The following MYH11 variants were observed in gnomAD, a reference collection of about 807,000 sequenced individuals.
MYH11 encodes the protein myosin heavy chain 11, also known as myosin-11.
A neutral mutation model predicts 246.6 loss-of-function variants in MYH11; 80 were observed. The ratio of observed to expected loss-of-function variants is 0.32; its 90% confidence interval spans 0.27 to 0.39. MYH11 has a LOEUF of 0.39. MYH11 is among the 10% of genes least tolerant of loss of function. The pLI, the probability that MYH11 is intolerant of heterozygous loss-of-function variation, is 1.00. For synonymous variants in MYH11, 1,071 were observed against 1,015.5 expected (o/e 1.05, Z -1.04); for missense variants, 2,158 against 2,546.8 (o/e 0.85, Z 3.29).
chr16:15,753,311 G>C, intron 15 of MYH11, 83 bp downstream of exon 15: 3 of 1,235,924 alleles, frequency 2.4e-6, no homozygotes, highest in East Asian at 2.3e-5. Context: ...TCCCCTCCTG[G>C]GGCAGGTGTG....
chr16:15,840,985 G>T (rs2044036288), intron 1 of MYH11, among the ~76,000 whole-genome samples: 1 of 152,036 alleles, frequency 6.6e-6, no homozygotes, highest in Admixed American at 6.6e-5. Flanking sequence ...TAAAAGTCTA[G>T]AAAACTGCAT....
At position 15,856,219 on chromosome 16, in the gene MYH11, G is replaced by GTT. The variant is rs34789214; in HGVS notation, c.-18+720_-18+721dup. ...CCTTTGGGGTCAACCTGGGTGAGTT[G>GTT]TTTTTTTTTTTTTTAATTTGGAGAA... is the stretch of plus-strand genomic sequence containing the variant. On this transcript the variant is annotated intron_variant, in intron 1 of 40. Coordinates refer to ENST00000300036, the MANE Select transcript of MYH11 (RefSeq NM_002474.3). Among the ~76,000 whole-genome samples, 684 of 97,036 alleles carry GTT rather than the reference G, an allele frequency of 7.0e-3. 7 individuals are homozygous for GTT. The highest frequency in any genetic ancestry group is 0.018 in the African/African-American group (612 of 33,782). 63.7% of individuals were successfully genotyped at this position (97,036 alleles called of 152,430 possible).
chr16:15,739,610 A>G (rs2041214421), intron 23 of MYH11, among the ~76,000 whole-genome samples: 1 of 152,206 alleles, frequency 6.6e-6, no homozygotes, highest in Admixed American at 6.5e-5. Context: ...GGGGCTGGTT[A>G]GTGACTACTG....
chr16:15,704,153 G>A, intron 40 of MYH11, 30 bp from the exon 41 acceptor site: 1 of 1,612,886 alleles, frequency 6.2e-7, no homozygotes, highest in Non-Finnish European at 8.5e-7. Flanking sequence ...ACATTATTTA[G>A]CAAAGAAATC....
intron 2 of MYH11, among the ~76,000 whole-genome samples, chr16:15,830,035 T>C (rs903621073): frequency 6.6e-6 from 1 of 151,962 alleles, no homozygotes; most frequent in Admixed American, 6.6e-5. Flanking sequence ...CTCGGGAAGC[T>C]GAGGCAGGAG....
At chr16:15,718,087 C>G (rs1395943530) in intron 37 of MYH11, 3 of 661,722 alleles carry the variant, frequency 4.5e-6, no homozygotes, top group Non-Finnish European at 7.6e-6. Flanking sequence ...GCCAGCCACG[C>G]CGTGGCTGGA....
intron 6 of MYH11, among the ~76,000 whole-genome samples, chr16:15,779,933 G>C (rs1037062674): frequency 6.6e-6 from 1 of 152,198 alleles, no homozygotes; most frequent in Non-Finnish European, 1.5e-5. Context: ...CAATCCCCTA[G>C]GCTTGCTCAG....
At chr16:15,773,271 C>T (rs933050777) in intron 8 of MYH11, among the ~76,000 whole-genome samples, 8 of 147,456 alleles carry the variant, frequency 5.4e-5, no homozygotes, top group African/African-American at 2.0e-4. Flanking sequence ...TCTTATACTA[C>T]CTTTCCTTTC....
rs760908992 is a variant in MYH11, at chr16:15,719,615, G to C, written c.5052C>G (p.Ser1684Arg). The C allele has an allele frequency of 1.2e-5, 20 of 1,614,074 alleles. No homozygotes were observed. The highest frequency in any genetic ancestry group is 1.6e-5 in the Non-Finnish European group (19 of 1,180,052). Residue 1684 changes from serine to arginine, a missense_variant, in exon 35 of 41, where the codon AGC becomes AGG. By Grantham distance (110) the Ser-to-Arg change is moderately radical. Transcript: ENST00000300036. ...GTAGCTGCATGAGGTCTGCTTCCAAGCTCTTGGCTTTCTTCTCATTCTCTT... is the reference window on the plus strand; with the variant it reads ...GTAGCTGCATGAGGTCTGCTTCCAACCTCTTGGCTTTCTTCTCATTCTCTT... Reference protein sequence around the residue: ...TAKENEKKAKSLEADLMQLQE... With the variant: ...TAKENEKKAKRLEADLMQLQE...
intron 3 of MYH11, among the ~76,000 whole-genome samples, chr16:15,817,976 CA>C (rs936477087): frequency 6.6e-6 from 1 of 152,188 alleles, no homozygotes; most frequent in African/African-American, 2.4e-5. Context: ...ATTGATTCAA[CA>C]AATACTGAGC....
chr16:15,718,465 G>T (rs749112529), intron 36 of MYH11, 27 bp from the exon 37 acceptor site: 1 of 1,541,938 alleles, frequency 6.5e-7, no homozygotes, highest in Non-Finnish European at 8.7e-7. Flanking sequence ...CATGGTGGGG[G>T]CCTCTACCCT....
At chr16:15,810,181 C>A (rs903567431) in intron 3 of MYH11, among the ~76,000 whole-genome samples, 1 of 151,490 alleles carries the variant, frequency 6.6e-6, no homozygotes, top group Non-Finnish European at 1.5e-5. Context: ...TTATAGTCGC[C>A]CACCACCATG....
chr16:15,795,993 T>C (rs1366175376), intron 4 of MYH11, among the ~76,000 whole-genome samples: 1 of 152,196 alleles, frequency 6.6e-6, no homozygotes, highest in Non-Finnish European at 1.5e-5. Context: ...TGAGTGAATA[T>C]TCTTATAATG....
chr16:15,736,235 A>T (rs2041114670), intron 25 of MYH11, among the ~76,000 whole-genome samples: 1 of 152,144 alleles, frequency 6.6e-6, no homozygotes, highest in Non-Finnish European at 1.5e-5. Context: ...AGGCTAAGGA[A>T]ACTGGATTTT....
intron 3 of MYH11, among the ~76,000 whole-genome samples, chr16:15,815,990 C>T (rs2043253261): frequency 6.6e-6 from 1 of 152,138 alleles, no homozygotes; most frequent in African/African-American, 2.4e-5. Context: ...ACTTTCTTGC[C>T]TGAAATTTTA....
rs966211609 is a variant in MYH11 at position 15,750,076 on chromosome 16, C to T, written c.2058+62G>A. 23 of 1,603,012 alleles carry T rather than the reference C, an allele frequency of 1.4e-5. No homozygotes were observed. The highest frequency in any genetic ancestry group is 1.7e-4 in the Middle Eastern group (1 of 6,054). On this transcript the variant is annotated intron_variant, in intron 16 of 40. Coordinates refer to ENST00000300036, the MANE Select transcript of MYH11 (RefSeq NM_002474.3). This position sits in a 1 kb window ranked among gnomAD's most constrained non-coding sequence, Gnocchi z 4.3. The stretch of plus-strand genomic sequence containing the variant: ...GGGGGCAGAGGGCGCCCTGGGGACG[C>T]TGTGACCGCTTGGGACAGCCCTGGC...
intron 28 of MYH11, 165 bp from the exon 29 acceptor site, chr16:15,725,157 A>G (rs2040691952): frequency 1.5e-6 from 1 of 650,242 alleles, no homozygotes; most frequent in Non-Finnish European, 2.7e-6. Context: ...AAACACACAC[A>G]CACACAAAAA....
In MYH11 at chr16:15,775,216, T is replaced by C. The variant is rs2042191946; in HGVS notation, c.889+862A>G. On this transcript the variant is annotated intron_variant, in intron 8 of 40. Coordinates refer to ENST00000300036, the MANE Select transcript of MYH11 (RefSeq NM_002474.3). ...CTCATAACTTCCTACTGGAGTTTGG[T>C]ATACAGTGTATTATATTTACATAAA... Among the ~76,000 whole-genome samples the C allele has an allele frequency of 2.6e-5, 4 of 152,240 alleles. No individual in the cohort carries two copies. In the South Asian group the frequency reaches 8.3e-4, roughly 31 times the overall value.
chr16:15,830,739 G>A (rs1337832941), intron 2 of MYH11, among the ~76,000 whole-genome samples: 1 of 152,004 alleles, frequency 6.6e-6, no homozygotes, highest in Non-Finnish European at 1.5e-5. Flanking sequence ...TTATCTGGGT[G>A]TGGTGATGCA....
Sources: allele counts gnomAD v4.1 joint callset (sites outside exome capture counted in the v4.1 genomes callset), GRCh38; gene constraint gnomAD v4.1.1; non-coding constraint Gnocchi (gnomAD v3.1); transcripts MANE v1.5; gene names NCBI Gene and HGNC (gene_info 2026-07-23, HGNC 2026-07-21).